MAML2: variants seen among roughly 807,000 people sequenced by gnomAD.
MAML2 encodes mastermind like transcriptional coactivator 2.
A neutral mutation model predicts 96.1 loss-of-function variants in MAML2; 22 were observed. The observed-to-expected ratio is 0.23, with a 90% confidence interval of 0.16 to 0.33. The LOEUF is 0.33. MAML2 is among the 10% of genes least tolerant of loss of function. The probability of loss-of-function intolerance (pLI) is 1.00; values close to 1 mark genes in which losing one functional copy is unlikely to be tolerated. For synonymous variants in MAML2, 561 were observed against 521.3 expected (o/e 1.08, Z -1.04); for missense variants, 1,367 against 1,392.4 (o/e 0.98, Z 0.29).
At chr11:96,243,270 A>T (rs995958778) in intron 1 of MAML2, among the ~76,000 whole-genome samples, 1 of 152,204 alleles carries the variant, frequency 6.6e-6, no homozygotes, top group Admixed American at 6.5e-5. Flanking sequence ...AAATGCGAGG[A>T]TAAGGCCCGG....
chr11:96,333,762 T>A (rs1024068307), intron 1 of MAML2, among the ~76,000 whole-genome samples: 1 of 152,338 alleles, frequency 6.6e-6, no homozygotes, highest in African/African-American at 2.4e-5. Context: ...ATCTCCACAG[T>A]AGGAAGCGTC....
intron 1 of MAML2, among the ~76,000 whole-genome samples, chr11:96,239,774 G>A (rs1862408620): frequency 6.6e-6 from 1 of 152,160 alleles, no homozygotes; most frequent in Non-Finnish European, 1.5e-5. Context: ...TAGAATGAAT[G>A]TTGGTCAATA....
intron 1 of MAML2, among the ~76,000 whole-genome samples, chr11:96,176,078 C>T (rs76013674): frequency 2.6e-3 from 390 of 152,246 alleles, no homozygotes; most frequent in African/African-American, 8.8e-3. Context: ...CTATATCTAC[C>T]TTTTGAGGTA....
chr11:96,247,173 A>G (rs1183684917), intron 1 of MAML2, among the ~76,000 whole-genome samples: 5 of 152,098 alleles, frequency 3.3e-5, no homozygotes, highest in Non-Finnish European at 7.4e-5. Context: ...CAACACACAC[A>G]TTTAGTCTTG....
intron 2 of MAML2, among the ~76,000 whole-genome samples, chr11:96,090,295 T>G (rs1013277201): frequency 1.3e-5 from 2 of 152,210 alleles, no homozygotes; most frequent in Non-Finnish European, 2.9e-5. Flanking sequence ...CAGTGCTTTT[T>G]TAAAAATAAC....
intron 1 of MAML2, among the ~76,000 whole-genome samples, chr11:96,122,052 C>T (rs1230630027): frequency 2.8e-5 from 4 of 144,112 alleles, no homozygotes; most frequent in African/African-American, 7.7e-5. Flanking sequence ...CCTCGTGATC[C>T]GCCTGCCTCG....
chr11:96,173,718 C>G (rs1199040232), intron 1 of MAML2, among the ~76,000 whole-genome samples: 2 of 152,194 alleles, frequency 1.3e-5, no homozygotes, highest in East Asian at 3.8e-4. Flanking sequence ...ACAGGGGCGT[C>G]GAGAAGGTAA....
intron 2 of MAML2, among the ~76,000 whole-genome samples, chr11:95,998,141 A>AGTCTGTCTGTCAGTCTGTCTGTCT (rs1554993547): frequency 1.4e-5 from 2 of 143,544 alleles, no homozygotes. Context: ...TCTGTCTGTC[A>AGTCTGTCTGTCAGTCTGTCTGTCT]GTCTGTCTGT....
At chr11:96,173,103 C>T (rs1173018824) in intron 1 of MAML2, among the ~76,000 whole-genome samples, 1 of 152,170 alleles carries the variant, frequency 6.6e-6, no homozygotes, top group Non-Finnish European at 1.5e-5. Context: ...AAACATACTA[C>T]TCCTCTTTCC....
intron 2 of MAML2, among the ~76,000 whole-genome samples, chr11:96,027,897 C>T (rs1858550283): frequency 6.6e-6 from 1 of 151,906 alleles, no homozygotes; most frequent in African/African-American, 2.4e-5. Context: ...GTGCCCGGCT[C>T]ATTTTCGTAT....
At chr11:96,123,920 A>T (rs1291974298) in intron 1 of MAML2, among the ~76,000 whole-genome samples, 1 of 151,974 alleles carries the variant, frequency 6.6e-6, no homozygotes, top group Non-Finnish European at 1.5e-5. Flanking sequence ...TAATACAAAA[A>T]TTAGCCGGGC....
chr11:96,119,470 G>A (rs7941011), intron 1 of MAML2, among the ~76,000 whole-genome samples: 1 of 151,990 alleles, frequency 6.6e-6, no homozygotes, highest in African/African-American at 2.4e-5. Flanking sequence ...AAGGCAGCCC[G>A]GCCGACACTG....
intron 2 of MAML2, among the ~76,000 whole-genome samples, chr11:96,067,731 A>T (rs968192837): frequency 3.3e-5 from 5 of 152,218 alleles, no homozygotes; most frequent in Non-Finnish European, 7.3e-5. Context: ...TAATATGGAC[A>T]TTAAAACAGA....
chr11:96,137,756 A>T (rs535146137), intron 1 of MAML2, among the ~76,000 whole-genome samples: 90 of 152,354 alleles, frequency 5.9e-4, no homozygotes, highest in African/African-American at 2.0e-3. Flanking sequence ...TTGGATAATG[A>T]ATATTATTAT....
At chr11:96,170,637 A>C (rs1386444480) in intron 1 of MAML2, among the ~76,000 whole-genome samples, 1 of 152,222 alleles carries the variant, frequency 6.6e-6, no homozygotes, top group African/African-American at 2.4e-5. Context: ...CAAAGGACAG[A>C]AGAATGCCTT....
intron 1 of MAML2, among the ~76,000 whole-genome samples, chr11:96,317,810 C>T (rs991161647): frequency 2.0e-5 from 3 of 152,230 alleles, no homozygotes; most frequent in Non-Finnish European, 1.5e-5. Context: ...CGTCTTTCTT[C>T]TCCAGGTTCC....
intron 1 of MAML2, among the ~76,000 whole-genome samples, chr11:96,296,807 G>C (rs1383100468): frequency 6.6e-6 from 1 of 152,104 alleles, no homozygotes; most frequent in Non-Finnish European, 1.5e-5. Flanking sequence ...TTTGGGTTGG[G>C]GGCCAAGAAA....
chr11:96,169,911 C>A (rs1212044876), intron 1 of MAML2, among the ~76,000 whole-genome samples: 2 of 152,226 alleles, frequency 1.3e-5, no homozygotes, highest in African/African-American at 4.8e-5. Flanking sequence ...TCTCGGCCTC[C>A]CAAAGTATTG....
intron 4 of MAML2, 36 bp downstream of exon 4, chr11:95,985,495 C>A: frequency 7.9e-7 from 1 of 1,266,160 alleles, no homozygotes; most frequent in Non-Finnish European, 1.1e-6. Flanking sequence ...TTTCCTTTCA[C>A]AGCTATAATT....
Sources: allele counts gnomAD v4.1 joint callset (sites outside exome capture counted in the v4.1 genomes callset), GRCh38; gene constraint gnomAD v4.1.1; transcripts MANE v1.5; gene names NCBI Gene and HGNC (gene_info 2026-07-23, HGNC 2026-07-21).